SAMD4A: variants seen among roughly 807,000 people sequenced by gnomAD.
SAMD4A encodes protein Smaug homolog 1.
Under a neutral mutation model 81.3 loss-of-function variants are expected in SAMD4A, and 33 were observed. That is an observed-to-expected ratio of 0.41 (90% confidence interval 0.31 to 0.54). The LOEUF is 0.54. SAMD4A is among the 20% of genes least tolerant of loss of function. The probability of loss-of-function intolerance (pLI) is 0.37; values close to 1 mark genes in which losing one functional copy is unlikely to be tolerated. For missense variants in SAMD4A, 854 were observed against 951.1 expected, an observed-to-expected ratio of 0.90 and a Z score of 1.34; for synonymous variants, 389 against 382.1, an observed-to-expected ratio of 1.02 and a Z score of -0.21.
intron 2 of SAMD4A, among the ~76,000 whole-genome samples, chr14:54,638,556 C>G (rs1486985697): frequency 6.6e-6 from 1 of 152,144 alleles, no homozygotes; most frequent in Non-Finnish European, 1.5e-5. Context: ...GTTAAATTCC[C>G]TGATTTAAAA....
At chr14:54,681,205 C>T (rs1433866722) in intron 2 of SAMD4A, among the ~76,000 whole-genome samples, 2 of 149,926 alleles carry the variant, frequency 1.3e-5, no homozygotes, top group Non-Finnish European at 3.0e-5. Flanking sequence ...ACCCCCCAAC[C>T]GTGTGTCACT....
intron 2 of SAMD4A, among the ~76,000 whole-genome samples, chr14:54,638,020 C>A (rs1488866433): frequency 1.3e-5 from 2 of 152,188 alleles, no homozygotes; most frequent in Non-Finnish European, 2.9e-5. Context: ...GAGTCCCAAC[C>A]TTGCCAGCTT....
At chr14:54,628,406 C>A (rs1170514641) in intron 2 of SAMD4A, among the ~76,000 whole-genome samples, 1 of 152,074 alleles carries the variant, frequency 6.6e-6, no homozygotes, top group African/African-American at 2.4e-5. Flanking sequence ...TGAATAATGG[C>A]ATGGATGAAG....
At chr14:54,769,738 G>A (rs1466527129) in intron 8 of SAMD4A, among the ~76,000 whole-genome samples, 1 of 152,134 alleles carries the variant, frequency 6.6e-6, no homozygotes, top group African/African-American at 2.4e-5. Context: ...GAAAATGCAG[G>A]GGGCCTGCAA....
At chr14:54,740,998 A>G (rs2037831374) in intron 4 of SAMD4A, among the ~76,000 whole-genome samples, 1 of 152,368 alleles carries the variant, frequency 6.6e-6, no homozygotes, top group Non-Finnish European at 1.5e-5. Flanking sequence ...AACAACTGAA[A>G]TAGGAACTTT....
At chr14:54,677,287 G>A (rs2036013620) in intron 2 of SAMD4A, among the ~76,000 whole-genome samples, 1 of 152,050 alleles carries the variant, frequency 6.6e-6, no homozygotes, top group African/African-American at 2.4e-5. Context: ...CTTATAATTG[G>A]GTGGATCTAT....
At chr14:54,607,519 G>C (rs908834898) in intron 2 of SAMD4A, among the ~76,000 whole-genome samples, 2 of 150,128 alleles carry the variant, frequency 1.3e-5, no homozygotes, top group African/African-American at 4.9e-5. Flanking sequence ...GCAGTGGCAC[G>C]ATCTCTGCTC....
chr14:54,585,230 A>G (rs1337127975), intron 2 of SAMD4A, among the ~76,000 whole-genome samples: 3 of 152,202 alleles, frequency 2.0e-5, no homozygotes, highest in African/African-American at 7.2e-5. Flanking sequence ...GTAGCATTCT[A>G]TAGTATGGCT....
intron 2 of SAMD4A, among the ~76,000 whole-genome samples, chr14:54,656,185 A>G (rs1487156078): frequency 6.6e-6 from 1 of 151,940 alleles, no homozygotes; most frequent in Admixed American, 6.6e-5. Flanking sequence ...TGTAGAATTC[A>G]CTCTCCACTA....
At chr14:54,682,318 G>A (rs9671853) in intron 2 of SAMD4A, among the ~76,000 whole-genome samples, 2,711 of 152,208 alleles carry the variant, frequency 0.018, 73 homozygotes, top group African/African-American at 0.062. Flanking sequence ...ACTCCTCTGA[G>A]GCCTTTCTAT....
intron 2 of SAMD4A, among the ~76,000 whole-genome samples, chr14:54,623,975 A>T (rs1395484139): frequency 6.6e-6 from 1 of 151,888 alleles, no homozygotes; most frequent in Non-Finnish European, 1.5e-5. Flanking sequence ...CTCTTATTTA[A>T]TTCCTTTTTT....
intron 8 of SAMD4A, among the ~76,000 whole-genome samples, chr14:54,769,397 C>T (rs1254724168): frequency 6.6e-6 from 1 of 152,154 alleles, no homozygotes; most frequent in Non-Finnish European, 1.5e-5. Flanking sequence ...TAGTCTGTGG[C>T]AAGTACAAAG....
At chr14:54,625,102 G>A (rs1053067672) in intron 2 of SAMD4A, among the ~76,000 whole-genome samples, 3 of 152,024 alleles carry the variant, frequency 2.0e-5, no homozygotes, top group Non-Finnish European at 4.4e-5. Context: ...TTTTCTGGTG[G>A]ATGGCTTCCT....
At chr14:54,699,774 G>A (rs759462800) in intron 2 of SAMD4A, among the ~76,000 whole-genome samples, 5 of 152,196 alleles carry the variant, frequency 3.3e-5, no homozygotes, top group Admixed American at 6.5e-5. Context: ...CCTCAAGATC[G>A]TCTCACTCTG....
intron 3 of SAMD4A, among the ~76,000 whole-genome samples, chr14:54,724,007 T>TGGAAGGAAGGAAGGAAGAAGGAAGAA (rs71131227): frequency 8.1e-6 from 1 of 124,176 alleles, no homozygotes; most frequent in East Asian, 2.5e-4. Flanking sequence ...GATGGATGGA[T>TGGAAGGAAGGAAGGAAGAAGGAAGAA]GGAAGGAAGG....
intron 3 of SAMD4A, among the ~76,000 whole-genome samples, chr14:54,730,476 A>C (rs1004225202): frequency 3.9e-5 from 6 of 152,178 alleles, no homozygotes; most frequent in African/African-American, 1.4e-4. Context: ...TTTGCTTTGT[A>C]GCATGTTCTC....
chr14:54,584,589 A>G (rs1436365925), intron 2 of SAMD4A, among the ~76,000 whole-genome samples: 2 of 152,224 alleles, frequency 1.3e-5, no homozygotes, highest in African/African-American at 4.8e-5. Context: ...GGAATAAACT[A>G]GACAATTATG....
intron 9 of SAMD4A, among the ~76,000 whole-genome samples, chr14:54,772,478 A>G (rs759547582): frequency 6.6e-6 from 1 of 152,146 alleles, no homozygotes; most frequent in South Asian, 2.1e-4. Flanking sequence ...TTCTCCCCTC[A>G]TCACGTCCTA....
chr14:54,577,678 G>C (rs2033342761), intron 2 of SAMD4A, among the ~76,000 whole-genome samples: 1 of 152,240 alleles, frequency 6.6e-6, no homozygotes, highest in Admixed American at 6.5e-5. Flanking sequence ...CTCAGAACAA[G>C]TCTGTGCTAC....
Sources: gnomAD v4.1 joint callset for allele counts (sites outside exome capture counted in the v4.1 genomes callset) on GRCh38, gnomAD v4.1.1 for gene constraint, MANE v1.5 for transcripts, NCBI Gene and HGNC (gene_info 2026-07-23, HGNC 2026-07-21) for gene names.